Variants in FLRT2 observed in about 807,000 individuals in gnomAD.
The protein encoded by FLRT2 is leucine-rich repeat transmembrane protein FLRT2.
FLRT2 carries 15 observed loss-of-function variants against 40.0 expected under a neutral mutation model. That is an observed-to-expected ratio of 0.38 (90% CI 0.25 to 0.58). The LOEUF is 0.58. Among genes scored for constraint, FLRT2 ranks in the 20% least tolerant of loss-of-function variants. The probability of loss-of-function intolerance (pLI) is 0.71; values close to 1 mark genes in which losing one functional copy is unlikely to be tolerated. For missense variants in FLRT2, 726 were observed against 840.0 expected, an observed-to-expected ratio of 0.86 and a Z score of 1.68; for synonymous variants, 380 against 336.8, an observed-to-expected ratio of 1.13 and a Z score of -1.41.
At position 85,623,265 on chromosome 14, in the gene FLRT2, G is replaced by C; in HGVS notation, c.1751G>C (p.Arg584Pro). Residue 584 changes from arginine (R) to proline (P), a missense_variant, in exon 2 of 2, where the codon CGG becomes CCG. Physicochemically the swap from Arg to Pro is moderately radical, Grantham distance 103. Transcript: ENST00000330753. ...AAGTGGAAATACAACCGGGGCCGGC[G>C]GAAAGATGATTATTGCGAGGCAGGC... ...SQKWKYNRGR[R>P]KDDYCEAGTK... is the part of the protein sequence containing the mutation. 2.6e-6 allele frequency: 4 copies of C among 1,515,476 alleles called. No individual in the cohort carries two copies. The highest frequency in any genetic ancestry group is 3.5e-6 in the Non-Finnish European group (4 of 1,132,458). The allele number at this position is 1,515,476 out of a possible 1,614,324, so 93.9% of individuals were successfully genotyped here. A position where few individuals can be genotyped will look rare whatever the true frequency, so the allele number is the denominator to read the frequency against.
intron 1 of FLRT2, among the ~76,000 whole-genome samples, chr14:85,584,795 G>T (rs937042008): frequency 6.6e-6 from 1 of 152,134 alleles, no homozygotes; most frequent in Admixed American, 6.5e-5. Context: ...GAATACTGGT[G>T]GGTTCAGGCA....
chr14:85,622,803 A>G lies in FLRT2; in HGVS notation c.1289A>G (p.His430Arg). Reference sequence around the variant, plus strand: ...TCTGAACGGATCCAGCTCTCTATCCATTTTGTGAATGATACTTCCATTCAA... The same window carrying G: ...TCTGAACGGATCCAGCTCTCTATCCGTTTTGTGAATGATACTTCCATTCAA... ...PISERIQLSI[H>R]FVNDTSIQVS... Residue 430 changes from histidine to arginine, a missense_variant, in exon 2 of 2, where the codon CAT becomes CGT. Coordinates refer to ENST00000330753, the MANE Select transcript of FLRT2 (RefSeq NM_013231.6). The G allele has an allele frequency of 1.2e-6, 2 of 1,614,092 alleles. No individual in the cohort carries two copies. Among genetic ancestry groups the G allele is most frequent in the Non-Finnish European group, 1.7e-6 (2 of 1,180,012 alleles).
rs1893928996 is a variant in FLRT2, at chr14:85,633,357, C to T, written c.*9860C>T. ...CATGGTTGAACAGAAAGAGAACAGA[C>T]TTCTTTATAATGTAGCATATATTCT... is the stretch of plus-strand genomic sequence containing the variant. On this transcript the variant is annotated 3_prime_UTR_variant, in exon 2 of 2. Transcript: ENST00000330753. 1 of 152,036 alleles carries T rather than the reference C, an allele frequency of 6.6e-6. No homozygotes were observed. The highest frequency in any genetic ancestry group is 1.5e-5 in the Non-Finnish European group (1 of 68,016). The allele number at this position is 152,036 out of a possible 1,614,324, so 9.4% of individuals were successfully genotyped here. A position where few individuals can be genotyped will look rare whatever the true frequency, so the allele number is the denominator to read the frequency against.
Position 85,600,385 on chromosome 14 carries a change from G to T in FLRT2, c.-376-20754G>T, listed in dbSNP as rs547164392. On this transcript the variant is annotated intron_variant, in intron 1 of 1. Transcript: ENST00000330753. ...GTATCCAGACTTCTAAGATTAAAGT[G>T]GTAGCATTTAATCATGTACATTTAA... 3.3e-5 allele frequency among the ~76,000 whole-genome samples: 5 copies of T among 152,252 alleles called. No homozygotes were observed. The South Asian group carries it at 6.2e-4, about 19-fold the overall frequency.
intron 1 of FLRT2, among the ~76,000 whole-genome samples, chr14:85,567,634 C>CTTTTTTTTTTTTTTTTTTT (rs1566732052): frequency 7.9e-6 from 1 of 126,108 alleles, no homozygotes. Flanking sequence ...AAGTGACTTA[C>CTTTTTTTTTTTTTTTTTTT]ATTTTTTTTT....
rs1318169058 is a variant in FLRT2 at position 85,643,345 on chromosome 14, T to G, written c.*19848T>G. On this transcript the variant is annotated 3_prime_UTR_variant, in exon 2 of 2. Coordinates refer to ENST00000330753, the MANE Select transcript of FLRT2 (RefSeq NM_013231.6). ...TTTCTTTCTTTCTTTCTTTCTTTCT[T>G]TCTTTCTTTCTTCCTTCCTTCCTTC... The G allele has an allele frequency of 1.1e-5, 1 of 92,392 alleles. No individual in the cohort carries two copies. The allele number at this position is 92,392 out of a possible 1,614,324, so 5.7% of individuals were successfully genotyped here.
At chr14:85,593,675 G>A (rs976079875) in intron 1 of FLRT2, among the ~76,000 whole-genome samples, 17 of 152,136 alleles carry the variant, frequency 1.1e-4, no homozygotes, top group Non-Finnish European at 2.1e-4. Context: ...AGCATTGTTC[G>A]TGTGACAGTT....
intron 1 of FLRT2, among the ~76,000 whole-genome samples, chr14:85,585,382 C>T (rs894872001): frequency 6.6e-6 from 1 of 152,148 alleles, no homozygotes; most frequent in Non-Finnish European, 1.5e-5. Context: ...TCACTGCGTT[C>T]AGGCTGCCTT....
chr14:85,620,765 A>G (rs1315071846), intron 1 of FLRT2, among the ~76,000 whole-genome samples: 3 of 152,340 alleles, frequency 2.0e-5, no homozygotes, highest in East Asian at 3.9e-4. Context: ...GTCTATGACC[A>G]GTAGGATTTG....
In FLRT2 at chr14:85,645,345, A is replaced by C. The variant is rs554884131; in HGVS notation, c.*21848A>C. The C allele has an allele frequency of 6.6e-6, 1 of 151,860 alleles. No homozygotes were observed. The highest frequency in any genetic ancestry group is 2.4e-5 in the African/African-American group (1 of 41,356). The allele number at this position is 151,860 out of a possible 1,614,324, so 9.4% of individuals were successfully genotyped here. On this transcript the variant is annotated 3_prime_UTR_variant, in exon 2 of 2. Coordinates refer to ENST00000330753, the MANE Select transcript of FLRT2 (RefSeq NM_013231.6). Reference sequence around the variant, plus strand: ...AAATGTGTGCGTGTATATATATATGATTGGCTGAGTGCTCTATTTGTTGCT... The same window carrying C: ...AAATGTGTGCGTGTATATATATATGCTTGGCTGAGTGCTCTATTTGTTGCT...
At chr14:85,606,521 C>CTTT (rs532159794) in intron 1 of FLRT2, among the ~76,000 whole-genome samples, 3 of 99,960 alleles carry the variant, frequency 3.0e-5, no homozygotes, top group African/African-American at 4.2e-5. Context: ...AGCTGTTACT[C>CTTT]TTTTTTTTTT....
intron 1 of FLRT2, among the ~76,000 whole-genome samples, chr14:85,566,591 T>G (rs1227421069): frequency 2.7e-5 from 3 of 112,030 alleles, no homozygotes; most frequent in African/African-American, 1.1e-4. Context: ...GATAGAAATT[T>G]CTGCAGCTAT....
Position 85,621,870 on chromosome 14 carries a change from A to G in FLRT2, c.356A>G (p.Asn119Ser). The G allele has an allele frequency of 6.2e-7, 1 of 1,613,380 alleles. No homozygotes were observed. Among genetic ancestry groups the G allele is most frequent in the Non-Finnish European group, 8.5e-7 (1 of 1,179,556 alleles). Residue 119 changes from asparagine to serine, a missense_variant, in exon 2 of 2, where the codon AAC (asparagine) becomes AGC (serine). Around this residue, in one of 3 missense-constraint regions of FLRT2, gnomAD observed 9 missense variants for 28.8 expected, o/e 0.31. Coordinates refer to ENST00000330753, the MANE Select transcript of FLRT2 (RefSeq NM_013231.6). ...KNVRVLHLQENNIQTISRAAL... is the reference protein window; with the variant it reads ...KNVRVLHLQESNIQTISRAAL... ...GTCAGAGTTCTCCATTTGCAGGAAA[A>G]CAATATTCAGACCATTTCACGGGCT...
intron 1 of FLRT2, among the ~76,000 whole-genome samples, chr14:85,579,481 A>T (rs188505030): frequency 1.0e-3 from 153 of 151,640 alleles, no homozygotes; most frequent in African/African-American, 3.5e-3. Flanking sequence ...GTTATTTGGG[A>T]GGGGTGGGGA....
chr14:85,540,703 G>C (rs1888936177), intron 1 of FLRT2, among the ~76,000 whole-genome samples: 1 of 138,112 alleles, frequency 7.2e-6, no homozygotes, highest in East Asian at 2.1e-4. Context: ...TCGGAGTTCT[G>C]ACACTTGCTT....
In FLRT2 at chr14:85,623,645, T is replaced by C. The variant is rs1257144023; in HGVS notation, c.*148T>C. ...ATACTCTGTAATTTATACGGTGTAC[T>C]ATATAATGGGATTTAAAAAAAGTGC... On this transcript the variant is annotated 3_prime_UTR_variant, in exon 2 of 2. Transcript: ENST00000330753. 3 of 574,340 alleles carry C rather than the reference T, an allele frequency of 5.2e-6. No homozygotes were observed. In the Admixed American group the frequency reaches 1.0e-4, roughly 20 times the overall value. 35.6% of individuals were successfully genotyped at this position (574,340 alleles called of 1,614,324 possible).
At chr14:85,582,912 T>C (rs1041484268) in intron 1 of FLRT2, among the ~76,000 whole-genome samples, 1 of 151,862 alleles carries the variant, frequency 6.6e-6, no homozygotes, top group Non-Finnish European at 1.5e-5. Context: ...ATATAGTTTT[T>C]ACTATATATT....
At chr14:85,544,408 T>C (rs1889159220) in intron 1 of FLRT2, among the ~76,000 whole-genome samples, 1 of 152,252 alleles carries the variant, frequency 6.6e-6, no homozygotes, top group Non-Finnish European at 1.5e-5. Flanking sequence ...CAGCATTAAC[T>C]TTGTGTATCT....
Position 85,622,323 on chromosome 14 carries a change from C to G in FLRT2, c.809C>G (p.Thr270Arg), listed in dbSNP as rs1049827519. 1 of 1,614,144 alleles carries G rather than the reference C, an allele frequency of 6.2e-7. No individual in the cohort carries two copies. Among genetic ancestry groups the G allele is most frequent in the Non-Finnish European group, 8.5e-7 (1 of 1,180,020 alleles). ...QDNQINHIPL[T>R]AFSNLRKLER... ...AACCAGATAAACCACATTCCTTTGA[C>G]AGCCTTCTCAAATCTGCGTAAGCTG... Residue 270 changes from threonine (T) to arginine (R), a missense_variant, in exon 2 of 2, where the codon ACA becomes AGA. By Grantham distance (71) the Thr-to-Arg change is moderately conservative. Transcript: ENST00000330753.
Sources: allele counts gnomAD v4.1 joint callset (sites outside exome capture counted in the v4.1 genomes callset), GRCh38; gene constraint gnomAD v4.1.1; regional missense constraint gnomAD v4.1.1; transcripts MANE v1.5; gene names NCBI Gene and HGNC (gene_info 2026-07-23, HGNC 2026-07-21).